The following CCT5 variants were observed in gnomAD, a reference collection of about 807,000 sequenced individuals.
The protein encoded by CCT5 is chaperonin containing TCP1 subunit 5, also known as T-complex protein 1 subunit epsilon.
In CCT5, 6 loss-of-function variants were observed where a neutral mutation model predicts 55.0. That is an observed-to-expected ratio of 0.11 (90% CI 0.06 to 0.22). The LOEUF is 0.22. Among genes scored for constraint, CCT5 ranks in the 10% least tolerant of loss-of-function variants. The pLI is 1.00. For missense variants in CCT5, 560 were observed against 694.6 expected, an observed-to-expected ratio of 0.81 and a Z score of 2.18; for synonymous variants, 231 against 243.7, an observed-to-expected ratio of 0.95 and a Z score of 0.49.
In CCT5 at chr5:10,263,166, G is replaced by A. The variant is rs142127415; in HGVS notation, c.1350G>A (p.Ala450=). 3.7e-4 allele frequency: 595 copies of A among 1,614,190 alleles called. 3 individuals are homozygous for A. The African/African-American group carries it at 6.7e-3, about 18-fold the overall frequency. The part of the protein sequence containing the change: ...CPTLEQYAMR[A]FADALEVIPM... ...CCTTAGAACAGTATGCCATGAGAGC[G>A]TTTGCCGACGCACTGGAGGTCATCC... Residue 450 remains alanine (A), a synonymous_variant, in exon 10 of 11, where the codon GCG becomes GCA. Coordinates refer to ENST00000280326, the MANE Select transcript of CCT5 (RefSeq NM_012073.5).
intron 1 of CCT5, among the ~76,000 whole-genome samples, chr5:10,252,630 A>AG: frequency 6.6e-6 from 1 of 151,560 alleles, no homozygotes; most frequent in Non-Finnish European, 1.5e-5. Context: ...AAAAAAAAAA[A>AG]AGGTGCAGGC....
chr5:10,253,254 G>A (rs961058886), intron 1 of CCT5, among the ~76,000 whole-genome samples: 2 of 150,134 alleles, frequency 1.3e-5, no homozygotes, highest in Admixed American at 6.7e-5. Context: ...GCTTAAACCC[G>A]GGAGGCGGAG....
chr5:10,250,995 A>C, intron 1 of CCT5: 1 of 448,816 alleles, frequency 2.2e-6, no homozygotes, highest in Non-Finnish European at 3.0e-6. Flanking sequence ...ACCGTAATAC[A>C]AGGTGGTGTG....
chr5:10,258,535 A>G lies in CCT5; in HGVS notation c.873A>G (p.Gln291=), dbSNP rs200034738. Reference sequence around the variant, plus strand: ...AGAAATTTGAAGAGATGATTCAACAAGTAAGTCTTACCAGAGTCCTCAGTG... The same window carrying G: ...AGAAATTTGAAGAGATGATTCAACAGGTAAGTCTTACCAGAGTCCTCAGTG... ...EKEKFEEMIQ[Q]IKETGANLAI... is the part of the protein sequence containing the mutation. The change falls in exon 6 of 11, where the codon CAA becomes CAG. Residue 291 remains glutamine, a splice_region_variant and synonymous_variant. Transcript: ENST00000280326. 2 of 1,612,968 alleles carry G rather than the reference A, an allele frequency of 1.2e-6. No homozygotes were observed. Among genetic ancestry groups the G allele is most frequent in the African/African-American group, 1.3e-5 (1 of 74,930 alleles).
At chr5:10,262,071 G>T in intron 8 of CCT5, 1 of 398,838 alleles carries the variant, frequency 2.5e-6, no homozygotes, top group Non-Finnish European at 4.7e-6. Flanking sequence ...TGGTTAAACT[G>T]CTAGCCCTAG....
rs75051395 is a variant in CCT5, at chr5:10,256,187, G to A, written c.530+34G>A. On this transcript the variant is annotated intron_variant, in intron 4 of 10. Transcript: ENST00000280326. ...CAGTAGATGATATGATTACCCATTT[G>A]TAGAGGAGGCAGTTTGTTTGCCATT... is the stretch of plus-strand genomic sequence containing the variant. 379 of 1,573,816 alleles carry A rather than the reference G, an allele frequency of 2.4e-4. 4 individuals carry two copies. In the East Asian group the frequency reaches 7.7e-3, roughly 32 times the overall value.
chr5:10,263,979 T>C (rs1165910975), intron 10 of CCT5, among the ~76,000 whole-genome samples: 3 of 152,134 alleles, frequency 2.0e-5, no homozygotes, highest in Non-Finnish European at 4.4e-5. Context: ...TGCTCAAATT[T>C]AGCATTTCTA....
At chr5:10,263,383 G>A (rs1746073518) in intron 10 of CCT5, 69 bp downstream of exon 10, 4 of 1,387,232 alleles carry the variant, frequency 2.9e-6, no homozygotes, top group Middle Eastern at 1.8e-4. Flanking sequence ...ATCATCCACT[G>A]TATGTGCTGT....
intron 1 of CCT5, among the ~76,000 whole-genome samples, chr5:10,251,500 T>C (rs543982161): frequency 3.3e-5 from 5 of 152,308 alleles, no homozygotes; most frequent in African/African-American, 9.6e-5. Context: ...ACCATTCCAC[T>C]AGGTCTCTCA....
chr5:10,251,902 A>T (rs2548545), intron 1 of CCT5, among the ~76,000 whole-genome samples: 112,390 of 152,244 alleles, frequency 0.74, 43,669 homozygotes, highest in East Asian at 0.87. Context: ...CATTTTGTTC[A>T]AACTGCATGC....
chr5:10,266,017 T>G lies in CCT5; in HGVS notation c.*1234T>G, dbSNP rs1027051330. On this transcript the variant is annotated 3_prime_UTR_variant, in exon 11 of 11. Coordinates refer to ENST00000280326, the MANE Select transcript of CCT5 (RefSeq NM_012073.5). Reference sequence around the variant, plus strand: ...TTGGGTCATTGTGTTTTCTCTACATTCATGCATTGGATGTTTTGCTAAATA... The same window carrying G: ...TTGGGTCATTGTGTTTTCTCTACATGCATGCATTGGATGTTTTGCTAAATA... 7 of 152,184 alleles carry G rather than the reference T, an allele frequency of 4.6e-5. No individual in the cohort carries two copies. The highest frequency in any genetic ancestry group is 2.0e-4 in the Admixed American group (3 of 15,278). The allele number at this position is 152,184 out of a possible 1,614,324, so 9.4% of individuals were successfully genotyped here. A position where few individuals can be genotyped will look rare whatever the true frequency, so the allele number is the denominator to read the frequency against.
intron 1 of CCT5, chr5:10,251,035 C>T (rs1745373018): frequency 4.3e-6 from 1 of 235,142 alleles, no homozygotes; most frequent in Non-Finnish European, 7.0e-6. Context: ...GGAGAGGGTG[C>T]ACATAAGCGT....
rs2126522210 is a variant in CCT5, at chr5:10,264,861, T to C, written c.*78T>C. ...ATGTCTCGTGATGCATCTACAGTTA[T>C]TTATTGTTACATCCTTTTCCAGACA... On this transcript the variant is annotated 3_prime_UTR_variant, in exon 11 of 11. Coordinates refer to ENST00000280326, the MANE Select transcript of CCT5 (RefSeq NM_012073.5). 2.5e-6 allele frequency: 4 copies of C among 1,574,162 alleles called. No individual in the cohort carries two copies. The highest frequency in any genetic ancestry group is 4.5e-5 in the East Asian group (2 of 44,422).
intron 3 of CCT5, among the ~76,000 whole-genome samples, chr5:10,255,693 T>C (rs1313017353): frequency 6.6e-6 from 1 of 152,202 alleles, no homozygotes; most frequent in African/African-American, 2.4e-5. Context: ...AAATGTTCTT[T>C]TTACATTATA....
At position 10,250,416 on chromosome 5, in the gene CCT5, T is replaced by A. The variant is rs772848951; in HGVS notation, c.76T>A (p.Ser26Thr). 5.0e-6 allele frequency: 8 copies of A among 1,613,872 alleles called. No individual in the cohort carries two copies. In the East Asian group the frequency reaches 1.6e-4, roughly 31 times the overall value. Residue 26 changes from serine to threonine, a missense_variant, in exon 1 of 11, where the codon TCC (serine) becomes ACC (threonine). By Grantham distance (58) the Ser-to-Thr change is moderately conservative. Coordinates refer to ENST00000280326, the MANE Select transcript of CCT5 (RefSeq NM_012073.5). ...CATCATCAAGGATCAGGACCGCAAG[T>A]CCCGTCTTATGGGACTTGAGGCCCT... ...FLIIKDQDRK[S>T]RLMGLEALKS...
intron 6 of CCT5, among the ~76,000 whole-genome samples, chr5:10,259,372 A>C (rs1295499225): frequency 6.6e-6 from 1 of 152,216 alleles, no homozygotes; most frequent in Admixed American, 6.5e-5. Context: ...AACCAACTAG[A>C]GACTATTTTC....
chr5:10,258,652 C>A (rs530896377), intron 6 of CCT5, 117 bp downstream of exon 6: 193 of 953,190 alleles, frequency 2.0e-4, no homozygotes, highest in Non-Finnish European at 3.0e-4. Context: ...CAGGAAAAAA[C>A]CAAATTGCAT....
intron 6 of CCT5, among the ~76,000 whole-genome samples, chr5:10,260,178 G>A (rs184367775): frequency 3.2e-4 from 49 of 152,302 alleles, no homozygotes; most frequent in African/African-American, 1.2e-3. Context: ...GAGTTGTGGG[G>A]CACGGTGTGG....
At chr5:10,250,704 C>A in intron 1 of CCT5, 2 of 1,320,878 alleles carry the variant, frequency 1.5e-6, no homozygotes, top group East Asian at 3.2e-5. Flanking sequence ...CCGCTCAGTC[C>A]GGTCGCCCGC....
Sources: gnomAD v4.1 joint callset for allele counts (sites outside exome capture counted in the v4.1 genomes callset) on GRCh38, gnomAD v4.1.1 for gene constraint, MANE v1.5 for transcripts, NCBI Gene and HGNC (gene_info 2026-07-23, HGNC 2026-07-21) for gene names.